SNTG2: variants seen among roughly 807,000 people sequenced by gnomAD.
SNTG2 encodes gamma-2-syntrophin.
SNTG2 carries 74 observed loss-of-function variants against 70.9 expected under a neutral mutation model. That is an observed-to-expected ratio of 1.04 (90% confidence interval 0.86 to 1.27). SNTG2 has a LOEUF of 1.27. Among genes scored for constraint, SNTG2 ranks in the 50% most tolerant of loss-of-function variants. SNTG2 has a pLI of 0.00. For missense variants in SNTG2, 717 were observed against 690.7 expected, an observed-to-expected ratio of 1.04 and a Z score of -0.43; for synonymous variants, 278 against 273.8, an observed-to-expected ratio of 1.02 and a Z score of -0.15.
chr2:953,617 C>A (rs1276279656), intron 1 of SNTG2, among the ~76,000 whole-genome samples: 5 of 152,204 alleles, frequency 3.3e-5, no homozygotes, highest in Non-Finnish European at 5.9e-5. Flanking sequence ...TCTTTAATTT[C>A]AACTGTAGAA....
chr2:1,235,219 C>A (rs28369655), intron 9 of SNTG2, among the ~76,000 whole-genome samples: 4 of 137,020 alleles, frequency 2.9e-5, no homozygotes, highest in African/African-American at 2.8e-5. Context: ...CACCAGGCAC[C>A]CCCGATTCAT....
intron 5 of SNTG2, 44 bp from the exon 6 acceptor site, chr2:1,137,723 TA>T: frequency 6.2e-7 from 1 of 1,613,444 alleles, no homozygotes; most frequent in Non-Finnish European, 8.5e-7. Context: ...TAACTTGTAT[TA>T]ATCAATCGTT....
chr2:1,079,569 T>C (rs1664147512), intron 1 of SNTG2, among the ~76,000 whole-genome samples: 2 of 152,238 alleles, frequency 1.3e-5, no homozygotes, highest in Non-Finnish European at 2.9e-5. Context: ...TTGTTGAATC[T>C]TATTTGCTTT....
At chr2:1,145,997 A>G (rs1178655644) in intron 6 of SNTG2, among the ~76,000 whole-genome samples, 8 of 152,132 alleles carry the variant, frequency 5.3e-5, no homozygotes, top group Admixed American at 5.2e-4. Flanking sequence ...ACAAAACCCA[A>G]CATCCATTTA....
intron 16 of SNTG2, among the ~76,000 whole-genome samples, chr2:1,364,737 C>CA (rs371977526): frequency 0.21 from 27,211 of 130,096 alleles, 2,996 homozygotes; most frequent in Non-Finnish European, 0.27. Flanking sequence ...CTAAAAATAC[C>CA]AAAAAAAAAA....
chr2:984,412 C>CT (rs1032179119), intron 1 of SNTG2, among the ~76,000 whole-genome samples: 12 of 152,088 alleles, frequency 7.9e-5, no homozygotes, highest in Non-Finnish European at 1.5e-4. Flanking sequence ...CAGCATGAGG[C>CT]TTTTTCATTT....
intron 9 of SNTG2, among the ~76,000 whole-genome samples, chr2:1,222,127 C>CTCTGTCTCTCTCTG (rs1345883336): frequency 1.7e-5 from 2 of 115,304 alleles, no homozygotes; most frequent in Non-Finnish European, 3.5e-5. Flanking sequence ...CTCTCTCTGT[C>CTCTGTCTCTCTCTG]TCTCTCTGTC....
At chr2:1,206,181 G>C (rs2147983090) in intron 8 of SNTG2, among the ~76,000 whole-genome samples, 1 of 152,316 alleles carries the variant, frequency 6.6e-6, no homozygotes, top group Middle Eastern at 3.4e-3. Flanking sequence ...ACCACGATGA[G>C]AATCACGAGG....
chr2:1,265,516 A>AT (rs1678678059), intron 13 of SNTG2, among the ~76,000 whole-genome samples: 1 of 152,204 alleles, frequency 6.6e-6, no homozygotes. Context: ...CCATGATCAG[A>AT]GGGTCATCCT....
chr2:1,363,118 T>C (rs1661288986), intron 16 of SNTG2, among the ~76,000 whole-genome samples: 3 of 122,120 alleles, frequency 2.5e-5, no homozygotes, highest in Admixed American at 9.6e-5. Flanking sequence ...TGTGAAACCC[T>C]CACAAAATGG....
chr2:1,005,079 C>A (rs938496795), intron 1 of SNTG2, among the ~76,000 whole-genome samples: 2 of 152,142 alleles, frequency 1.3e-5, no homozygotes, highest in African/African-American at 4.8e-5. Context: ...AGAAGTCAAT[C>A]TGAAAAGGCT....
intron 4 of SNTG2, among the ~76,000 whole-genome samples, chr2:1,128,390 A>C (rs991789296): frequency 1.3e-5 from 2 of 152,210 alleles, no homozygotes; most frequent in African/African-American, 4.8e-5. Flanking sequence ...TACATAAAAA[A>C]ATTTGAAAAA....
chr2:1,111,742 A>T (rs1275177873), intron 4 of SNTG2, among the ~76,000 whole-genome samples: 1 of 142,804 alleles, frequency 7.0e-6, no homozygotes, highest in African/African-American at 2.5e-5. Flanking sequence ...CCCTGAGAAG[A>T]ATCGTGTGTT....
intron 14 of SNTG2, among the ~76,000 whole-genome samples, chr2:1,299,812 C>G (rs1170862908): frequency 6.6e-6 from 1 of 152,228 alleles, no homozygotes; most frequent in East Asian, 1.9e-4. Flanking sequence ...CAAACCCCAC[C>G]TGTCATCTGT....
At chr2:1,046,295 A>C (rs1327730417) in intron 1 of SNTG2, among the ~76,000 whole-genome samples, 1 of 151,978 alleles carries the variant, frequency 6.6e-6, no homozygotes, top group Non-Finnish European at 1.5e-5. Flanking sequence ...GCATTTGTTT[A>C]GGTGTTGCTT....
intron 4 of SNTG2, 89 bp from the exon 5 acceptor site, chr2:1,137,533 A>G: frequency 7.0e-7 from 1 of 1,419,994 alleles, no homozygotes; most frequent in South Asian, 1.3e-5. Flanking sequence ...CACTTCAGCT[A>G]CTGCAAGCCC....
intron 12 of SNTG2, among the ~76,000 whole-genome samples, chr2:1,253,616 A>G (rs1677885549): frequency 6.6e-6 from 1 of 152,248 alleles, no homozygotes; most frequent in African/African-American, 2.4e-5. Context: ...ATCTCGTTCA[A>G]GATGAGGAAG....
chr2:972,962 A>G (rs1572178925), intron 1 of SNTG2, among the ~76,000 whole-genome samples: 1 of 152,222 alleles, frequency 6.6e-6, no homozygotes, highest in Admixed American at 6.5e-5. Flanking sequence ...AGTATCTACT[A>G]CTATGTGACA....
chr2:1,051,633 G>A (rs914542081), intron 1 of SNTG2, among the ~76,000 whole-genome samples: 8 of 152,174 alleles, frequency 5.3e-5, no homozygotes, highest in African/African-American at 1.9e-4. Context: ...TGTGCTGGGG[G>A]CAAGCATTTT....
Sources: gnomAD v4.1 joint callset for allele counts (sites outside exome capture counted in the v4.1 genomes callset) on GRCh38, gnomAD v4.1.1 for gene constraint, MANE v1.5 for transcripts, NCBI Gene and HGNC (gene_info 2026-07-23, HGNC 2026-07-21) for gene names.